The following RTTN variants were observed in gnomAD, a reference collection of about 807,000 sequenced individuals.
The protein encoded by RTTN is rotatin.
In RTTN, 182 loss-of-function variants were observed where a neutral mutation model predicts 269.2. The observed-to-expected ratio is 0.68, with a 90% confidence interval of 0.60 to 0.76. The LOEUF (loss-of-function observed/expected upper bound fraction) is 0.76, where lower values mean the gene tolerates loss of function less well. Ranked by LOEUF, RTTN falls within the 30% of genes least tolerant of loss-of-function variation. The pLI is 0.00. For missense variants in RTTN, 2,545 were observed against 2,608.6 expected, an observed-to-expected ratio of 0.98 and a Z score of 0.53; for synonymous variants, 1,006 against 963.5, an observed-to-expected ratio of 1.04 and a Z score of -0.82.
chr18:70,041,067 C>A (rs1379655364), intron 40 of RTTN, among the ~76,000 whole-genome samples: 2 of 151,818 alleles, frequency 1.3e-5, no homozygotes, highest in East Asian at 3.9e-4. Flanking sequence ...ATTAGCTGGG[C>A]ACGGTGGCAA....
In RTTN at chr18:70,193,289, T is replaced by A. The variant is rs745396293; in HGVS notation, c.1006A>T (p.Ser336Cys). 6.2e-7 allele frequency: 1 copy of A among 1,609,666 alleles called. No individual in the cohort carries two copies. Among genetic ancestry groups the A allele is most frequent in the East Asian group, 2.2e-5 (1 of 44,540 alleles). The part of the protein sequence containing the change: ...DGQDWDAASS[S>C]GSSSHAHVNS... Reference sequence around the variant, plus strand: ...CCCAGAGACACTGCTAGCAGTCACCTAGAGGACGCTGCATCCCAGTCCTGG... The same window carrying A: ...CCCAGAGACACTGCTAGCAGTCACCAAGAGGACGCTGCATCCCAGTCCTGG... The change falls in exon 8 of 49, where the codon AGT becomes TGT. Residue 336 changes from serine to cysteine, a missense_variant and splice_region_variant. Physicochemically the swap from Ser to Cys is moderately radical, Grantham distance 112. Coordinates refer to ENST00000640769, the MANE Select transcript of RTTN (RefSeq NM_173630.4).
intron 23 of RTTN, among the ~76,000 whole-genome samples, chr18:70,132,393 G>C (rs1435809236): frequency 6.6e-6 from 1 of 151,924 alleles, no homozygotes; most frequent in African/African-American, 2.4e-5. Context: ...CTGACCATAT[G>C]CTGGGCCATA....
intron 28 of RTTN, among the ~76,000 whole-genome samples, chr18:70,101,553 AG>A (rs745831123): frequency 2.0e-5 from 3 of 151,772 alleles, no homozygotes; most frequent in Non-Finnish European, 4.4e-5. Flanking sequence ...ATTTTTTTTA[AG>A]GGTTTTTGTG....
chr18:70,170,217 C>A (rs976897961), intron 11 of RTTN, among the ~76,000 whole-genome samples: 25 of 152,274 alleles, frequency 1.6e-4, no homozygotes, highest in African/African-American at 6.0e-4. Context: ...TTAGGCCTTA[C>A]TATGTTCCTC....
At chr18:70,138,421 T>C (rs2060176722) in intron 21 of RTTN, 1 of 152,182 alleles carries the variant, frequency 6.6e-6, no homozygotes, top group Non-Finnish European at 1.5e-5. Flanking sequence ...GAAAAGGGTA[T>C]AGATTATATT....
At chr18:70,152,950 C>T (rs2060577219) in intron 14 of RTTN, among the ~76,000 whole-genome samples, 1 of 152,178 alleles carries the variant, frequency 6.6e-6, no homozygotes, top group Admixed American at 6.6e-5. Context: ...TAATGTTTGG[C>T]ACCCTGCCTA....
At position 70,190,719 on chromosome 18, in the gene RTTN, A is replaced by C; in HGVS notation, c.1008T>G (p.Ser336Arg). 1 of 1,592,704 alleles carries C rather than the reference A, an allele frequency of 6.3e-7. No homozygotes were observed. The highest frequency in any genetic ancestry group is 8.6e-7 in the Non-Finnish European group (1 of 1,162,552). Reference protein sequence around the residue: ...DGQDWDAASSSGSSSHAHVNS... With the variant: ...DGQDWDAASSRGSSSHAHVNS... ...TTACATGAGCATGACTACTACTTCC[A>C]CTGCAAGATAAACAAATGATAAACC... The change falls in exon 9 of 49, where the codon AGT (serine) becomes AGG (arginine). Residue 336 changes from serine (S) to arginine (R), a missense_variant and splice_region_variant. Transcript: ENST00000640769.
intron 35 of RTTN, among the ~76,000 whole-genome samples, chr18:70,064,574 A>G (rs2058082556): frequency 6.6e-6 from 1 of 152,168 alleles, no homozygotes; most frequent in South Asian, 2.1e-4. Context: ...AAGTGAAAGA[A>G]GCCAGTCACA....
chr18:70,093,099 G>T (rs1051160271), intron 28 of RTTN, among the ~76,000 whole-genome samples: 1 of 152,160 alleles, frequency 6.6e-6, no homozygotes, highest in African/African-American at 2.4e-5. Flanking sequence ...CAGCTACCGG[G>T]GAAGCTGAGG....
At chr18:70,009,840 C>T (rs970036160) in intron 46 of RTTN, among the ~76,000 whole-genome samples, 10 of 151,904 alleles carry the variant, frequency 6.6e-5, no homozygotes, top group Non-Finnish European at 1.3e-4. Context: ...AGACCCATCT[C>T]GTGCAAAGAC....
intron 35 of RTTN, among the ~76,000 whole-genome samples, chr18:70,063,229 G>A (rs1411261660): frequency 1.3e-5 from 2 of 152,116 alleles, no homozygotes; most frequent in African/African-American, 4.8e-5. Context: ...GTATGAAAGT[G>A]CTTATTTTCC....
At chr18:70,198,797 T>C (rs936237079) in intron 5 of RTTN, among the ~76,000 whole-genome samples, 4 of 152,086 alleles carry the variant, frequency 2.6e-5, no homozygotes, top group African/African-American at 9.7e-5. Flanking sequence ...AATTTTCCAT[T>C]TTTATCAATC....
chr18:70,024,871 C>T, intron 43 of RTTN, 23 bp from the exon 44 acceptor site: 1 of 1,608,846 alleles, frequency 6.2e-7, no homozygotes, highest in Non-Finnish European at 8.5e-7. Flanking sequence ...GGGAAAAAGA[C>T]AGCATTAGTC....
intron 34 of RTTN, among the ~76,000 whole-genome samples, chr18:70,069,414 C>T (rs530878115): frequency 3.9e-5 from 6 of 152,156 alleles, no homozygotes; most frequent in African/African-American, 9.6e-5. Context: ...AAAAATTGTT[C>T]TTCAGTGTGT....
At chr18:70,158,047 T>C (rs2060729781) in intron 14 of RTTN, among the ~76,000 whole-genome samples, 1 of 151,290 alleles carries the variant, frequency 6.6e-6, no homozygotes, top group South Asian at 2.1e-4. Context: ...TCCACGAAAA[T>C]TTCTCCAACC....
At chr18:70,154,777 C>G (rs1312563344) in intron 14 of RTTN, among the ~76,000 whole-genome samples, 1 of 152,152 alleles carries the variant, frequency 6.6e-6, no homozygotes, top group African/African-American at 2.4e-5. Context: ...TAACTCAACC[C>G]TTGATTGATC....
intron 11 of RTTN, among the ~76,000 whole-genome samples, chr18:70,175,885 A>G (rs1272645012): frequency 6.6e-6 from 1 of 152,150 alleles, no homozygotes; most frequent in Admixed American, 6.6e-5. Flanking sequence ...TCTGTGTGTC[A>G]AGGAACCTGG....
At chr18:70,069,097 T>C (rs1194175919) in intron 34 of RTTN, among the ~76,000 whole-genome samples, 2 of 152,102 alleles carry the variant, frequency 1.3e-5, no homozygotes, top group Admixed American at 1.3e-4. Flanking sequence ...ATGTGTAGCA[T>C]GGTGAATATG....
chr18:70,145,638 C>A lies in RTTN; in HGVS notation c.2455G>T (p.Asp819Tyr). The A allele has an allele frequency of 6.2e-7, 1 of 1,608,618 alleles. No homozygotes were observed. The highest frequency in any genetic ancestry group is 8.5e-7 in the Non-Finnish European group (1 of 1,178,178). The change falls in exon 18 of 49, where the codon GAT becomes TAT. Residue 819 changes from aspartate (D) to tyrosine (Y), a missense_variant. Asp to Tyr is a radical substitution (Grantham distance 160). Transcript: ENST00000640769. The stretch of plus-strand genomic sequence containing the variant: ...TTAATAACCAGCTCTCTTCTGTCAT[C>A]CAGTCTGAGTTCAATAGGTTTCTTC... The part of the protein sequence containing the change: ...IGKKPIELRL[D>Y]DRRELVIKLE...
Sources: gnomAD v4.1 joint callset for allele counts (sites outside exome capture counted in the v4.1 genomes callset) on GRCh38, gnomAD v4.1.1 for gene constraint, MANE v1.5 for transcripts, NCBI Gene and HGNC (gene_info 2026-07-23, HGNC 2026-07-21) for gene names.